FOXP2: variants seen among roughly 807,000 people sequenced by gnomAD.
FOXP2 encodes the protein forkhead box protein P2.
FOXP2 carries 12 observed loss-of-function variants against 115.8 expected under a neutral mutation model. The ratio of observed to expected loss-of-function variants is 0.10; its 90% confidence interval spans 0.07 to 0.17. The LOEUF (loss-of-function observed/expected upper bound fraction) is 0.17, where lower values mean the gene tolerates loss of function less well. Ranked by LOEUF, FOXP2 falls within the 10% of genes least tolerant of loss-of-function variation. The probability of loss-of-function intolerance (pLI) is 1.00; values close to 1 mark genes in which losing one functional copy is unlikely to be tolerated. For synonymous variants in FOXP2, 328 were observed against 297.7 expected (o/e 1.10, Z -1.05); for missense variants, 629 against 843.5 (o/e 0.75, Z 3.15).
intron 3 of FOXP2, among the ~76,000 whole-genome samples, chr7:114,552,002 G>A (rs577743077): frequency 1.1e-3 from 165 of 152,234 alleles, no homozygotes; most frequent in Non-Finnish European, 1.8e-3. Context: ...AGGCAATACA[G>A]AAAACTATGA....
chr7:114,247,569 A>G (rs1166036494), intron 1 of FOXP2, among the ~76,000 whole-genome samples: 2 of 152,160 alleles, frequency 1.3e-5, no homozygotes, highest in Non-Finnish European at 2.9e-5. Flanking sequence ...TAACTGGCAC[A>G]TGGCTGCGTC....
At chr7:114,311,214 A>C (rs1016542724) in intron 2 of FOXP2, among the ~76,000 whole-genome samples, 4 of 152,134 alleles carry the variant, frequency 2.6e-5, no homozygotes, top group African/African-American at 9.7e-5. Flanking sequence ...CAGGTTGGGC[A>C]GGAGCCTCTC....
At chr7:114,600,489 G>A (rs1265631883) in intron 3 of FOXP2, among the ~76,000 whole-genome samples, 1 of 152,168 alleles carries the variant, frequency 6.6e-6, no homozygotes, top group Non-Finnish European at 1.5e-5. Context: ...TGTGTGCAGA[G>A]TTTTGTGTAG....
At position 114,690,055 on chromosome 7, in the gene FOXP2, A is replaced by G. The variant is rs751733995; in HGVS notation, c.*129A>G. 4.3e-6 allele frequency: 5 copies of G among 1,160,118 alleles called. No homozygotes were observed. The highest frequency in any genetic ancestry group is 6.3e-6 in the Non-Finnish European group (5 of 789,830). The allele number at this position is 1,160,118 out of a possible 1,614,324, so 71.9% of individuals were successfully genotyped here. A position where few individuals can be genotyped will look rare whatever the true frequency, so the allele number is the denominator to read the frequency against. The stretch of plus-strand genomic sequence containing the variant: ...AGCATGGATAAAGGAGACAGCCCTA[A>G]AGGAACTTACTAAGCCAGCCCTTTG... On this transcript the variant is annotated 3_prime_UTR_variant, in exon 17 of 17. Transcript: ENST00000350908.
intron 2 of FOXP2, chr7:114,463,121 T>G (rs1380247732): frequency 2.4e-6 from 1 of 415,928 alleles, no homozygotes; most frequent in East Asian, 8.4e-5. Flanking sequence ...CTGGAACTCC[T>G]GGGCTCAAGC....
At chr7:114,567,569 C>G (rs999855958) in intron 3 of FOXP2, among the ~76,000 whole-genome samples, 5 of 152,038 alleles carry the variant, frequency 3.3e-5, no homozygotes, top group African/African-American at 1.2e-4. Context: ...CATTGTGTGG[C>G]CTTTTCACTC....
intron 3 of FOXP2, among the ~76,000 whole-genome samples, chr7:114,565,091 AT>A (rs1394523333): frequency 6.6e-6 from 1 of 151,158 alleles, no homozygotes; most frequent in African/African-American, 2.4e-5. Flanking sequence ...ATTTTATTGT[AT>A]GCAACCAATT....
At chr7:114,200,836 T>TGC (rs1423763923) in intron 1 of FOXP2, among the ~76,000 whole-genome samples, 1 of 152,172 alleles carries the variant, frequency 6.6e-6, no homozygotes, top group Non-Finnish European at 1.5e-5. Context: ...ACATTGACCA[T>TGC]TTCAAAGAAG....
intron 2 of FOXP2, among the ~76,000 whole-genome samples, chr7:114,307,498 C>T (rs1797042866): frequency 6.6e-6 from 1 of 152,156 alleles, no homozygotes; most frequent in Non-Finnish European, 1.5e-5. Context: ...AGAACCCCCA[C>T]ATATATGCAT....
rs558147212 is a variant in FOXP2, at chr7:114,096,674, A to G, written c.-247+8836A>G. Among the ~76,000 whole-genome samples, 118 of 152,318 alleles carry G rather than the reference A, an allele frequency of 7.7e-4. 1 individual carries two copies. The Middle Eastern group carries it at 0.01, about 13-fold the overall frequency. On this transcript the variant is annotated intron_variant, in intron 1 of 19. Transcript: ENST00000635638. ...AATAAGTATATGCACATGCTTATTC[A>G]TATTATATTAAAGGAACATCATTAT...
chr7:114,225,099 T>G (rs756298573), intron 1 of FOXP2, among the ~76,000 whole-genome samples: 30 of 152,132 alleles, frequency 2.0e-4, no homozygotes, highest in Non-Finnish European at 4.4e-5. Flanking sequence ...TTTGCTGGCT[T>G]CAGTTTGTTA....
chr7:114,280,167 G>T (rs1199922892), intron 1 of FOXP2, among the ~76,000 whole-genome samples: 2 of 151,780 alleles, frequency 1.3e-5, no homozygotes, highest in Non-Finnish European at 2.9e-5. Context: ...TGACTTGCTG[G>T]TGTATTTTTT....
At chr7:114,661,448 G>A (rs1053410040) in intron 13 of FOXP2, among the ~76,000 whole-genome samples, 2 of 151,964 alleles carry the variant, frequency 1.3e-5, no homozygotes, top group Non-Finnish European at 2.9e-5. Context: ...TTTCAGTTGA[G>A]TTTAACATTT....
At chr7:114,165,360 G>T (rs1447578346) in intron 1 of FOXP2, among the ~76,000 whole-genome samples, 3 of 152,204 alleles carry the variant, frequency 2.0e-5, no homozygotes, top group African/African-American at 7.2e-5. Flanking sequence ...CAAATGCCAT[G>T]ATTGTCTGTA....
At chr7:114,414,378 C>T (rs1222577055), upstream of FOXP2, 1 of 152,490 alleles carries the variant, frequency 6.6e-6, no homozygotes, top group Non-Finnish European at 1.5e-5. Context: ...GCTAAGAAAA[C>T]ATCTGTGGCA....
chr7:114,310,558 G>A (rs1797124721), intron 2 of FOXP2, among the ~76,000 whole-genome samples: 1 of 151,852 alleles, frequency 6.6e-6, no homozygotes. Flanking sequence ...CAGGCAGGTG[G>A]CACTATTTTA....
At chr7:114,538,344 G>T (rs1238572863) in intron 3 of FOXP2, 6 of 1,303,022 alleles carry the variant, frequency 4.6e-6, no homozygotes, top group Non-Finnish European at 6.1e-6. Context: ...CAGACTTGTG[G>T]TTCTTCAACA....
intron 2 of FOXP2, among the ~76,000 whole-genome samples, chr7:114,396,611 TAAA>T (rs1792747903): frequency 6.6e-6 from 1 of 152,002 alleles, no homozygotes; most frequent in Non-Finnish European, 1.5e-5. Context: ...TGTGGAATCT[TAAA>T]AAAGTTGATC....
rs372140772 is a variant in FOXP2, at chr7:114,332,131, CGT to C, written c.-11+44032_-11+44033del. Among the ~76,000 whole-genome samples the C allele has an allele frequency of 1.5e-4, 23 of 150,872 alleles. No homozygotes were observed. In the East Asian group the frequency reaches 4.1e-3, roughly 27 times the overall value. On this transcript the variant is annotated intron_variant, in intron 2 of 17. Coordinates refer to the FOXP2 transcript ENST00000634411. ...ATATGAACGTGTGTGTGTGTGTGTGCGTGTGTGTGTGCATGAGTAGGGGGTAA... is the reference window on the plus strand; with the variant it reads ...ATATGAACGTGTGTGTGTGTGTGTGCGTGTGTGTGCATGAGTAGGGGGTAA...
Sources: allele counts gnomAD v4.1 joint callset (sites outside exome capture counted in the v4.1 genomes callset), GRCh38; gene constraint gnomAD v4.1.1; transcripts MANE v1.5; gene names NCBI Gene and HGNC (gene_info 2026-07-23, HGNC 2026-07-21).